Variants in CTNNA2 observed in about 807,000 individuals in gnomAD.
The protein encoded by CTNNA2 is catenin alpha-2.
CTNNA2 carries 42 observed loss-of-function variants against 101.0 expected under a neutral mutation model. That is an observed-to-expected ratio of 0.42 (90% CI 0.32 to 0.54). CTNNA2 has a LOEUF of 0.54. Ranked by LOEUF, CTNNA2 falls within the 20% of genes least tolerant of loss-of-function variation. CTNNA2 has a pLI of 0.14. For synonymous variants in CTNNA2, 450 were observed against 456.4 expected (o/e 0.99, Z 0.18); for missense variants, 871 against 1,223.1 (o/e 0.71, Z 4.29).
intron 2 of CTNNA2, among the ~76,000 whole-genome samples, chr2:79,726,498 G>A (rs1686849201): frequency 5.3e-5 from 8 of 152,118 alleles, no homozygotes. Context: ...ATTTGCACAT[G>A]TGAAGGATCT....
intron 7 of CTNNA2, among the ~76,000 whole-genome samples, chr2:80,340,203 A>G (rs1573769857): frequency 1.3e-5 from 2 of 152,346 alleles, no homozygotes; most frequent in East Asian, 3.9e-4. Flanking sequence ...TCTATGGAGC[A>G]GTCCTGCGGT....
At chr2:79,361,172 A>G (rs562334383) in intron 3 of CTNNA2, among the ~76,000 whole-genome samples, 1 of 152,328 alleles carries the variant, frequency 6.6e-6, no homozygotes, top group African/African-American at 2.4e-5. Flanking sequence ...TAGAATGACT[A>G]CCTGGACCCT....
chr2:80,062,490 A>T (rs1006875729), intron 7 of CTNNA2, among the ~76,000 whole-genome samples: 2 of 152,202 alleles, frequency 1.3e-5, no homozygotes, highest in Non-Finnish European at 2.9e-5. Context: ...AACAGGTTCT[A>T]TTGAGCTGAC....
At chr2:79,954,551 G>C (rs929485436) in intron 7 of CTNNA2, among the ~76,000 whole-genome samples, 1 of 152,106 alleles carries the variant, frequency 6.6e-6, no homozygotes, top group East Asian at 1.9e-4. Context: ...ATTTTTGGCT[G>C]CACAAATTAC....
chr2:80,121,167 G>T (rs1390388182), intron 7 of CTNNA2, among the ~76,000 whole-genome samples: 1 of 152,138 alleles, frequency 6.6e-6, no homozygotes, highest in Non-Finnish European at 1.5e-5. Context: ...GGCTCTCAAA[G>T]GCAGACCATT....
chr2:79,528,874 GAC>G (rs1299370705), intron 1 of CTNNA2, among the ~76,000 whole-genome samples: 3 of 152,258 alleles, frequency 2.0e-5, no homozygotes, highest in African/African-American at 7.2e-5. Context: ...AGATAAGTAA[GAC>G]ATGGTTTCTA....
chr2:79,600,470 C>T (rs1350984403), intron 1 of CTNNA2, among the ~76,000 whole-genome samples: 2 of 152,098 alleles, frequency 1.3e-5, no homozygotes, highest in African/African-American at 2.4e-5. Context: ...AGTCACCGCA[C>T]CTGGCCACCC....
At chr2:79,430,159 A>G (rs560358204) in intron 4 of CTNNA2, among the ~76,000 whole-genome samples, 9 of 152,210 alleles carry the variant, frequency 5.9e-5, no homozygotes, top group South Asian at 2.1e-4. Context: ...TTTTAGTCCT[A>G]TAAGTCATGG....
intron 1 of CTNNA2, among the ~76,000 whole-genome samples, chr2:79,643,752 C>T (rs1456751925): frequency 1.3e-5 from 2 of 151,978 alleles, no homozygotes; most frequent in Non-Finnish European, 2.9e-5. Flanking sequence ...GGGAAGAATC[C>T]ACTTCTCACC....
chr2:79,993,934 C>G (rs1055795346), intron 7 of CTNNA2, among the ~76,000 whole-genome samples: 1 of 152,112 alleles, frequency 6.6e-6, no homozygotes. Flanking sequence ...GACAGCATCT[C>G]TCTCTGTCAC....
At chr2:79,981,718 T>G (rs73938447) in intron 7 of CTNNA2, among the ~76,000 whole-genome samples, 3,702 of 152,272 alleles carry the variant, frequency 0.024, 153 homozygotes, top group African/African-American at 0.083. Flanking sequence ...AGCTTACTTT[T>G]TCAGAAAAGA....
intron 6 of CTNNA2, among the ~76,000 whole-genome samples, chr2:79,876,500 A>G (rs1683036404): frequency 6.6e-6 from 1 of 152,342 alleles, no homozygotes; most frequent in Admixed American, 6.5e-5. Context: ...GTTATAATTT[A>G]TTTTATAATC....
chr2:79,477,782 C>T (rs1012379164), intron 4 of CTNNA2, among the ~76,000 whole-genome samples: 1 of 152,168 alleles, frequency 6.6e-6, no homozygotes, highest in East Asian at 1.9e-4. Flanking sequence ...ACGCTAGTTA[C>T]TGTTTAAAAT....
chr2:79,220,503 C>A (rs1054117230), intron 2 of CTNNA2, among the ~76,000 whole-genome samples: 2 of 151,890 alleles, frequency 1.3e-5, no homozygotes, highest in African/African-American at 4.8e-5. Flanking sequence ...AATTACAGGC[C>A]ACAGAGACAG....
chr2:79,782,179 A>T (rs1485849606), intron 3 of CTNNA2, among the ~76,000 whole-genome samples: 1 of 152,204 alleles, frequency 6.6e-6, no homozygotes, highest in Non-Finnish European at 1.5e-5. Flanking sequence ...AAAATTAATA[A>T]GCAAACTTTG....
At chr2:79,639,831 G>T (rs1267360343) in intron 1 of CTNNA2, among the ~76,000 whole-genome samples, 1 of 152,082 alleles carries the variant, frequency 6.6e-6, no homozygotes, top group Non-Finnish European at 1.5e-5. Flanking sequence ...AAGGCATTCT[G>T]AAGAACACTT....
chr2:80,631,453 T>C (rs1164949914), intron 18 of CTNNA2, among the ~76,000 whole-genome samples: 1 of 152,022 alleles, frequency 6.6e-6, no homozygotes, highest in African/African-American at 2.4e-5. Context: ...AAGTTTCTTG[T>C]ATAACTCAGC....
At chr2:80,020,178 G>A (rs1694453483) in intron 7 of CTNNA2, among the ~76,000 whole-genome samples, 1 of 152,140 alleles carries the variant, frequency 6.6e-6, no homozygotes, top group Admixed American at 6.5e-5. Flanking sequence ...TTGCGGTATT[G>A]TACAAACCAA....
chr2:80,197,242 G>A (rs774933213), intron 7 of CTNNA2, among the ~76,000 whole-genome samples: 4 of 152,142 alleles, frequency 2.6e-5, no homozygotes, highest in South Asian at 2.1e-4. Flanking sequence ...GACTCACATC[G>A]TTCACCACTG....
Sources: allele counts gnomAD v4.1 joint callset (sites outside exome capture counted in the v4.1 genomes callset), GRCh38; gene constraint gnomAD v4.1.1; transcripts MANE v1.5; gene names NCBI Gene and HGNC (gene_info 2026-07-23, HGNC 2026-07-21).